The following RBM6 variants were observed in gnomAD, a reference collection of about 807,000 sequenced individuals.
The protein encoded by RBM6 is RNA binding motif protein 6, also known as RNA-binding protein 6.
In RBM6, 23 loss-of-function variants were observed where a neutral mutation model predicts 140.4. The observed-to-expected ratio is 0.16, with a 90% CI of 0.12 to 0.23. The LOEUF (loss-of-function observed/expected upper bound fraction) is 0.23. Among genes scored for constraint, RBM6 ranks in the 10% least tolerant of loss-of-function variants. The probability of loss-of-function intolerance (pLI) is 1.00; values close to 1 mark genes in which losing one functional copy is unlikely to be tolerated. For missense variants in RBM6, 1,139 were observed against 1,386.7 expected, an observed-to-expected ratio of 0.82 and a Z score of 2.84; for synonymous variants, 439 against 475.6, an observed-to-expected ratio of 0.92 and a Z score of 1.00.
intron 1 of RBM6, among the ~76,000 whole-genome samples, chr3:49,948,547 T>C (rs911036918): frequency 1.3e-4 from 19 of 151,744 alleles, no homozygotes; most frequent in Non-Finnish European, 2.5e-4. Context: ...ACCTAGTCTC[T>C]ACTAAAAATA....
At chr3:50,034,750 G>A (rs533316145) in intron 6 of RBM6, among the ~76,000 whole-genome samples, 1 of 152,192 alleles carries the variant, frequency 6.6e-6, no homozygotes, top group Admixed American at 6.5e-5. Flanking sequence ...GACAGAGCGA[G>A]ACTCCGTCTC....
At chr3:49,948,085 A>T (rs1204693952) in intron 1 of RBM6, among the ~76,000 whole-genome samples, 1 of 151,988 alleles carries the variant, frequency 6.6e-6, no homozygotes, top group Non-Finnish European at 1.5e-5. Flanking sequence ...AGAGCGAGAC[A>T]TGAGAATCTG....
At chr3:50,041,311 T>C (rs1326356340) in intron 6 of RBM6, among the ~76,000 whole-genome samples, 1 of 152,166 alleles carries the variant, frequency 6.6e-6, no homozygotes, top group Non-Finnish European at 1.5e-5. Flanking sequence ...GTAAAAAGTC[T>C]AGTCAAAATG....
At chr3:50,043,537 T>TATAC (rs577852195) in intron 6 of RBM6, among the ~76,000 whole-genome samples, 27 of 150,634 alleles carry the variant, frequency 1.8e-4, no homozygotes, top group African/African-American at 5.1e-4. Context: ...TACATATACA[T>TATAC]ATACATACAT....
chr3:49,967,527 C>T lies in RBM6; in HGVS notation c.102C>T (p.Pro34=), dbSNP rs2084562147. The T allele has an allele frequency of 6.2e-7, 1 of 1,614,120 alleles. No homozygotes were observed. Among genetic ancestry groups the T allele is most frequent in the South Asian group, 1.1e-5 (1 of 91,076 alleles). Residue 34 remains proline, a synonymous_variant, in exon 3 of 21, where the codon CCC becomes CCT. Transcript: ENST00000266022. The surrounding 1 kb of genome is among the most constrained non-coding windows in gnomAD (Gnocchi z 4.0). ...PGWNRDYPPP[P]LKSHAQERHS... is the part of the protein sequence containing the mutation. ...GGAACAGGGATTATCCTCCTCCTCC[C>T]CTTAAGAGTCATGCTCAAGAGAGAC...
chr3:49,994,669 G>GGTGTGTGTGTGTGT lies in RBM6; in HGVS notation c.1484-4758_1484-4745dup, dbSNP rs59949998. ...TTTTGTTTGGAGAAAAAGGCTGTGG[G>GGTGTGTGTGTGTGT]GTGTGTGTGTGTGTGTGTGTGTGTG... On this transcript the variant is annotated intron_variant, in intron 5 of 20. Coordinates refer to ENST00000266022, the MANE Select transcript of RBM6 (RefSeq NM_005777.3). Among the ~76,000 whole-genome samples the GGTGTGTGTGTGTGT allele has an allele frequency of 1.9e-3, 276 of 148,250 alleles. 1 individual carries two copies. The highest frequency in any genetic ancestry group is 3.7e-3 in the African/African-American group (150 of 40,106).
chr3:50,010,955 G>A lies in RBM6; in HGVS notation c.1557+11442G>A, dbSNP rs1174182017. ...TTTAGGGTTCCAGCACAATGGGAAT[G>A]AGTCCAGATCTAAAATAAAGTACAG... On this transcript the variant is annotated intron_variant, in intron 6 of 20. Transcript: ENST00000266022. 2.2e-5 allele frequency among the ~76,000 whole-genome samples: 3 copies of A among 138,290 alleles called. No homozygotes were observed. In the Admixed American group the frequency reaches 2.2e-4, roughly 10 times the overall value. 90.7% of individuals were successfully genotyped at this position (138,290 alleles called of 152,430 possible).
intron 1 of RBM6, among the ~76,000 whole-genome samples, chr3:49,944,657 G>A (rs188312851): frequency 4.0e-4 from 60 of 151,262 alleles, no homozygotes; most frequent in Non-Finnish European, 7.8e-4. Flanking sequence ...TTTATTTTTA[G>A]TAGAGAAGGA....
chr3:49,977,257 T>C (rs2085103312), intron 5 of RBM6, among the ~76,000 whole-genome samples: 1 of 152,234 alleles, frequency 6.6e-6, no homozygotes, highest in African/African-American at 2.4e-5. Flanking sequence ...AATACAAACT[T>C]CTTTCTGTGT....
At chr3:49,960,063 C>T (rs1327293797) in intron 1 of RBM6, among the ~76,000 whole-genome samples, 1 of 152,158 alleles carries the variant, frequency 6.6e-6, no homozygotes, top group Non-Finnish European at 1.5e-5. Flanking sequence ...ATTAGCAATA[C>T]CTGCTGCTTT....
chr3:49,968,971 T>C (rs1172580726), intron 3 of RBM6, among the ~76,000 whole-genome samples: 1 of 40,140 alleles, frequency 2.5e-5, no homozygotes, highest in Admixed American at 1.9e-4. Context: ...CCCGGCCTGC[T>C]TTTTTTTTTT....
intron 5 of RBM6, among the ~76,000 whole-genome samples, chr3:49,990,482 T>C (rs998096249): frequency 2.6e-5 from 4 of 152,254 alleles, no homozygotes; most frequent in Non-Finnish European, 4.4e-5. Context: ...TGCAGTTTGC[T>C]GTTGATCAAA....
chr3:50,036,967 G>A (rs12486832), intron 6 of RBM6, among the ~76,000 whole-genome samples: 1 of 151,814 alleles, frequency 6.6e-6, no homozygotes, highest in African/African-American at 2.4e-5. Flanking sequence ...TTAATTTTTA[G>A]TAGAGACGGG....
intron 6 of RBM6, among the ~76,000 whole-genome samples, chr3:50,005,177 G>A (rs1414402037): frequency 6.6e-6 from 1 of 152,092 alleles, no homozygotes; most frequent in Non-Finnish European, 1.5e-5. Flanking sequence ...AATCTCAAAT[G>A]TGGTCTGTCC....
chr3:49,995,016 T>C (rs1029628569), intron 5 of RBM6, among the ~76,000 whole-genome samples: 1 of 152,206 alleles, frequency 6.6e-6, no homozygotes, highest in Non-Finnish European at 1.5e-5. Flanking sequence ...TACAGGGTTA[T>C]GTTTGTCAGT....
intron 4 of RBM6, among the ~76,000 whole-genome samples, chr3:49,974,934 G>A (rs1438011725): frequency 6.0e-5 from 9 of 150,926 alleles, no homozygotes; most frequent in East Asian, 2.0e-4. Context: ...TTATCCACCC[G>A]CCTTGGATTC....
chr3:49,949,043 C>G (rs1258754113), intron 1 of RBM6, among the ~76,000 whole-genome samples: 2 of 151,168 alleles, frequency 1.3e-5, no homozygotes, highest in Non-Finnish European at 2.9e-5. Flanking sequence ...ATTGGCCAGG[C>G]TGGTCTCAAA....
At chr3:50,055,108 CA>C (rs1180129325) in intron 8 of RBM6, among the ~76,000 whole-genome samples, 1 of 152,224 alleles carries the variant, frequency 6.6e-6, no homozygotes, top group East Asian at 1.9e-4. Flanking sequence ...AGGCGTGAAC[CA>C]CCACGACCGG....
At chr3:50,025,011 CAAGA>C in intron 6 of RBM6, among the ~76,000 whole-genome samples, 1 of 149,392 alleles carries the variant, frequency 6.7e-6, no homozygotes, top group Non-Finnish European at 1.5e-5. Context: ...AAACAAAAAA[CAAGA>C]AAACAGTTTT....
Sources: allele counts gnomAD v4.1 joint callset (sites outside exome capture counted in the v4.1 genomes callset), GRCh38; gene constraint gnomAD v4.1.1; non-coding constraint Gnocchi (gnomAD v3.1); transcripts MANE v1.5; gene names NCBI Gene and HGNC (gene_info 2026-07-23, HGNC 2026-07-21).